Variants in SLC22A4 observed in about 807,000 individuals in gnomAD.
SLC22A4 encodes the protein ET transporter.
Under a neutral mutation model 56.6 loss-of-function variants are expected in SLC22A4, and 39 were observed. The ratio of observed to expected loss-of-function variants is 0.69; its 90% CI spans 0.53 to 0.90. SLC22A4 has a LOEUF of 0.90. Ranked by LOEUF, SLC22A4 falls within the 40% of genes least tolerant of loss-of-function variation. The probability of loss-of-function intolerance (pLI) is 0.00; values close to 1 mark genes in which losing one functional copy is unlikely to be tolerated. For synonymous variants in SLC22A4, 241 were observed against 281.4 expected, an observed-to-expected ratio of 0.86 and a Z score of 1.44; for missense variants, 594 against 696.5, an observed-to-expected ratio of 0.85 and a Z score of 1.66.
intron 3 of SLC22A4, 113 bp from the exon 4 acceptor site, chr5:132,322,071 C>G: frequency 1.0e-6 from 1 of 997,896 alleles, no homozygotes; most frequent in East Asian, 2.5e-5. Context: ...GAGGCAAATG[C>G]CTTTCCCCTT....
chr5:132,307,209 G>A (rs1345084793), intron 1 of SLC22A4, among the ~76,000 whole-genome samples: 1 of 152,174 alleles, frequency 6.6e-6, no homozygotes, highest in Non-Finnish European at 1.5e-5. Context: ...GGAATTCCCA[G>A]CTTTAAGTCA....
rs199597043 is a variant in SLC22A4, at chr5:132,335,936, G to A, written c.1380G>A (p.Ala460=). The change falls in exon 8 of 10, where the codon GCG becomes GCA. Residue 460 remains alanine (A), a synonymous_variant. Coordinates refer to ENST00000200652, the MANE Select transcript of SLC22A4 (RefSeq NM_003059.3). ...ELYPTLVRNM[A]VGVTSTASRV... is the part of the protein sequence containing the mutation. ...ACCCAACCCTGGTCAGGAACATGGC[G>A]GTGGGGGTCACATCCACGGCCTCCA... The A allele has an allele frequency of 7.2e-5, 117 of 1,614,064 alleles. No individual in the cohort carries two copies. The highest frequency in any genetic ancestry group is 6.5e-4 in the East Asian group (29 of 44,884).
At position 132,311,985 on chromosome 5, in the gene SLC22A4, G is replaced by A. The variant is rs116742006; in HGVS notation, c.394-176G>A. On this transcript the variant is annotated intron_variant, in intron 1 of 9. Coordinates refer to ENST00000200652, the MANE Select transcript of SLC22A4 (RefSeq NM_003059.3). The stretch of plus-strand genomic sequence containing the variant: ...GCCCCAGGTTACTCTCCCCAGTCCC[G>A]GCACAGGCCAGTCAAACCCAGGGCT... The A allele has an allele frequency of 2.5e-3, 1,711 of 688,822 alleles. 27 individuals are homozygous for A. In the African/African-American group the frequency reaches 0.026, roughly 11 times the overall value. The allele number at this position is 688,822 out of a possible 1,614,324, so 42.7% of individuals were successfully genotyped here.
At position 132,339,803 on chromosome 5, in the gene SLC22A4, A is replaced by G. The variant is rs1268763700; in HGVS notation, c.1445-762A>G. Among the ~76,000 whole-genome samples the G allele has an allele frequency of 6.6e-5, 10 of 152,134 alleles. No individual in the cohort carries two copies. The East Asian group carries it at 1.5e-3, about 23-fold the overall frequency. Reference sequence around the variant, plus strand: ...AGGCCTCAGAGAAGCTGCAATAACAATATTTTCCTTATGTTTTGGGTCAAA... The same window carrying G: ...AGGCCTCAGAGAAGCTGCAATAACAGTATTTTCCTTATGTTTTGGGTCAAA... On this transcript the variant is annotated intron_variant, in intron 8 of 9. Coordinates refer to ENST00000200652, the MANE Select transcript of SLC22A4 (RefSeq NM_003059.3).
At chr5:132,319,462 G>C (rs1185558318) in intron 3 of SLC22A4, among the ~76,000 whole-genome samples, 1 of 152,178 alleles carries the variant, frequency 6.6e-6, no homozygotes, top group Non-Finnish European at 1.5e-5. Flanking sequence ...AGGTAGACCA[G>C]TATCCATAGA....
chr5:132,316,538 AGT>A (rs1750362811), intron 3 of SLC22A4, among the ~76,000 whole-genome samples: 1 of 152,220 alleles, frequency 6.6e-6, no homozygotes, highest in Non-Finnish European at 1.5e-5. Flanking sequence ...AAACACAAAA[AGT>A]GTTTCTGTAT....
intron 9 of SLC22A4, among the ~76,000 whole-genome samples, chr5:132,343,359 C>T (rs1751275949): frequency 6.6e-6 from 1 of 152,182 alleles, no homozygotes; most frequent in South Asian, 2.1e-4. Flanking sequence ...GTTCCCAGTG[C>T]CTGGCCTTGA....
intron 1 of SLC22A4, among the ~76,000 whole-genome samples, chr5:132,300,343 G>A (rs1749882608): frequency 6.6e-6 from 1 of 152,150 alleles, no homozygotes; most frequent in Non-Finnish European, 1.5e-5. Flanking sequence ...TATCTTAAGG[G>A]AGGTTCTTCG....
chr5:132,301,951 A>G (rs959212095), intron 1 of SLC22A4, among the ~76,000 whole-genome samples: 1 of 152,208 alleles, frequency 6.6e-6, no homozygotes, highest in Non-Finnish European at 1.5e-5. Context: ...GGCAGATTCC[A>G]AAGGGGATAA....
At chr5:132,297,310 T>C (rs923739453) in intron 1 of SLC22A4, among the ~76,000 whole-genome samples, 2 of 151,462 alleles carry the variant, frequency 1.3e-5, no homozygotes, top group African/African-American at 4.9e-5. Context: ...AGAGCCAGAC[T>C]GTGTCTCAAA....
Position 132,343,804 on chromosome 5 carries a change from A to G in SLC22A4, c.1625A>G (p.Glu542Gly), listed in dbSNP as rs747748208. ...ACAAGAGACTCAATGGAGACAGAAG[A>G]AAATCCCAAGGTTCTAATAACTGCA... ...KKTRDSMETE[E>G]NPKVLITAF Residue 542 changes from glutamate to glycine, a missense_variant, in exon 10 of 10, where the codon GAA (glutamate) becomes GGA (glycine). Transcript: ENST00000200652. The G allele has an allele frequency of 1.2e-6, 2 of 1,609,588 alleles. No individual in the cohort carries two copies. Among genetic ancestry groups the G allele is most frequent in the Non-Finnish European group, 1.7e-6 (2 of 1,176,160 alleles).
rs1427351599 is a variant in SLC22A4, at chr5:132,335,811, T to C, written c.1262-7T>C. 1.2e-6 allele frequency: 2 copies of C among 1,612,864 alleles called. No individual in the cohort carries two copies. The highest frequency in any genetic ancestry group is 3.3e-5 in the Admixed American group (2 of 60,036). ...GCACCATTGTTTATACCGGGTCTCT[T>C]TTCCAGATTATTACTTCTTATCCAT... On this transcript the variant is annotated splice_region_variant and splice_polypyrimidine_tract_variant and intron_variant, in intron 7 of 9. Transcript: ENST00000200652.
intron 9 of SLC22A4, among the ~76,000 whole-genome samples, chr5:132,343,324 A>G (rs1751275302): frequency 6.6e-6 from 1 of 152,190 alleles, no homozygotes; most frequent in Non-Finnish European, 1.5e-5. Context: ...TCATACGGCT[A>G]TTTTGAGGTT....
At chr5:132,295,815 G>A (rs769565452) in intron 1 of SLC22A4, among the ~76,000 whole-genome samples, 4 of 152,252 alleles carry the variant, frequency 2.6e-5, no homozygotes, top group Non-Finnish European at 5.9e-5. Flanking sequence ...CTATTGGTCA[G>A]GCAGGTAGGA....
rs1028979627 is a variant in SLC22A4, at chr5:132,294,394, A to T, written c.-223A>T. 1.5e-5 allele frequency: 9 copies of T among 619,226 alleles called. No individual in the cohort carries two copies. The highest frequency in any genetic ancestry group is 2.3e-5 in the Non-Finnish European group (8 of 352,684). The allele number at this position is 619,226 out of a possible 1,614,324, so 38.4% of individuals were successfully genotyped here. On this transcript the variant is annotated 5_prime_UTR_variant, in exon 1 of 10. Coordinates refer to ENST00000200652, the MANE Select transcript of SLC22A4 (RefSeq NM_003059.3). The surrounding 1 kb of genome is among the most constrained non-coding windows in gnomAD (Gnocchi z 5.6). ...CGGCCGGGGATGGGGGTGTGGTCCC[A>T]AGTGTACAGTGGCATCAAGCTCAGC...
intron 1 of SLC22A4, among the ~76,000 whole-genome samples, chr5:132,299,492 C>T (rs1287737885): frequency 6.6e-6 from 1 of 151,664 alleles, no homozygotes; most frequent in Non-Finnish European, 1.5e-5. Context: ...TGCAATGGTG[C>T]CATCTCGGCT....
At position 132,334,905 on chromosome 5, in the gene SLC22A4, C is replaced by T. The variant is rs1208576148; in HGVS notation, c.1234C>T (p.Leu412Phe). Residue 412 changes from leucine (L) to phenylalanine (F), a missense_variant, in exon 7 of 10, where the codon CTT becomes TTT. Leu to Phe is a conservative substitution (Grantham distance 22, BLOSUM62 0). Transcript: ENST00000200652. ...AGTACTGTTCTGGGGAGGAGGTGTG[C>T]TTCTCTTCATTCAACTGGTACCTGT... is the stretch of plus-strand genomic sequence containing the variant. ...AAVLFWGGGVLLFIQLVPVDY... is the reference protein window; with the variant it reads ...AAVLFWGGGVFLFIQLVPVDY... 2 of 1,613,182 alleles carry T rather than the reference C, an allele frequency of 1.2e-6. No individual in the cohort carries two copies. Among genetic ancestry groups the T allele is most frequent in the African/African-American group, 2.7e-5 (2 of 74,892 alleles).
At chr5:132,325,198 A>T (rs1209987326) in intron 4 of SLC22A4, among the ~76,000 whole-genome samples, 1 of 152,222 alleles carries the variant, frequency 6.6e-6, no homozygotes, top group Non-Finnish European at 1.5e-5. Context: ...TTGGAGAAAG[A>T]TACTGGCCCC....
At chr5:132,331,994 C>T (rs1360874984) in intron 6 of SLC22A4, 144 bp downstream of exon 6, 2 of 693,074 alleles carry the variant, frequency 2.9e-6, no homozygotes, top group Non-Finnish European at 5.2e-6. Flanking sequence ...TTTTGAAATG[C>T]CTCTATTCAG....
Sources: gnomAD v4.1 joint callset for allele counts (sites outside exome capture counted in the v4.1 genomes callset) on GRCh38, gnomAD v4.1.1 for gene constraint, Gnocchi (gnomAD v3.1) non-coding constraint, MANE v1.5 for transcripts, NCBI Gene and HGNC (gene_info 2026-07-23, HGNC 2026-07-21) for gene names.